The following PYHIN1 variants were observed in gnomAD, a reference collection of about 807,000 sequenced individuals.
PYHIN1 encodes the protein pyrin and HIN domain family member 1, also known as pyrin and HIN domain-containing protein 1.
A neutral mutation model predicts 43.7 loss-of-function variants in PYHIN1; 32 were observed. That is an observed-to-expected ratio of 0.73 (90% CI 0.55 to 0.98). The LOEUF is 0.98. PYHIN1 is among the 50% of genes least tolerant of loss of function. PYHIN1 has a pLI of 0.00. For synonymous variants in PYHIN1, 205 were observed against 203.1 expected, an observed-to-expected ratio of 1.01 and a Z score of -0.08; for missense variants, 588 against 589.5, an observed-to-expected ratio of 1.00 and a Z score of 0.03.
At chr1:158,950,484 C>A (rs1649466284) in intron 7 of PYHIN1, among the ~76,000 whole-genome samples, 1 of 152,156 alleles carries the variant, frequency 6.6e-6, no homozygotes, top group Non-Finnish European at 1.5e-5. Flanking sequence ...ATGTGTCATG[C>A]TGGAATCCAA....
chr1:158,953,376 G>T (rs1649698093), intron 7 of PYHIN1, among the ~76,000 whole-genome samples: 1 of 150,604 alleles, frequency 6.6e-6, no homozygotes, highest in South Asian at 2.1e-4. Flanking sequence ...AGAGAGCAGT[G>T]GTTCTCCCAG....
chr1:158,949,458 C>T (rs1102002), intron 7 of PYHIN1, among the ~76,000 whole-genome samples: 45,150 of 151,418 alleles, frequency 0.3, 7,094 homozygotes, highest in South Asian at 0.42. Flanking sequence ...TGTATACATG[C>T]GCCATGCTGG....
At chr1:158,937,214 C>G (rs879019864) in intron 2 of PYHIN1, 39 bp downstream of exon 2, 1 of 1,521,580 alleles carries the variant, frequency 6.6e-7, no homozygotes, top group Non-Finnish European at 8.8e-7. Flanking sequence ...CTGCAATGAT[C>G]CCCACCCTTC....
the PYHIN1 span, among the ~76,000 whole-genome samples, chr1:158,989,471 G>A: frequency 2.0e-5 from 3 of 152,192 alleles, no homozygotes; most frequent in Admixed American, 2.0e-4. Context: ...AATGAAGTAA[G>A]CTGAGAGCAT....
intron 7 of PYHIN1, among the ~76,000 whole-genome samples, chr1:158,953,253 A>C (rs856092): frequency 0.96 from 121,793 of 127,000 alleles, 58,760 homozygotes; most frequent in East Asian, 1. Flanking sequence ...CCCACCACAG[A>C]TCAAGGAGGC....
chr1:158,984,530 T>C, the PYHIN1 span, among the ~76,000 whole-genome samples: 1 of 152,138 alleles, frequency 6.6e-6, no homozygotes, highest in Non-Finnish European at 1.5e-5. Flanking sequence ...TAATTTCTGT[T>C]TTTTGAATTT....
Position 158,933,334 on chromosome 1 carries a change from AT to A in PYHIN1, c.-21+1559del, listed in dbSNP as rs897694924. 4.6e-5 allele frequency among the ~76,000 whole-genome samples: 7 copies of A among 151,450 alleles called. No individual in the cohort carries two copies. Among genetic ancestry groups the A allele is most frequent in the Non-Finnish European group, 8.9e-5 (6 of 67,772 alleles). ...ATGAAGGACTATACAATAATGAAAAATAATATACATTTATTATTATTAGATA... is the reference window on the plus strand; with the variant it reads ...ATGAAGGACTATACAATAATGAAAAAAATATACATTTATTATTATTAGATA... On this transcript the variant is annotated intron_variant, in intron 1 of 8. Transcript: ENST00000368140. This position sits in a 1 kb window ranked among gnomAD's most constrained non-coding sequence, Gnocchi z 6.3.
chr1:158,944,840 T>TA (rs1243228768), intron 6 of PYHIN1, 35 bp from the exon 7 acceptor site: 3 of 1,464,644 alleles, frequency 2.0e-6, no homozygotes, highest in Non-Finnish European at 9.1e-7. Context: ...TCCCTAATAT[T>TA]AAAAAACATT....
the PYHIN1 span, among the ~76,000 whole-genome samples, chr1:158,986,473 C>T: frequency 1.3e-5 from 2 of 152,156 alleles, no homozygotes; most frequent in Middle Eastern, 3.2e-3. Flanking sequence ...GGACCTGCTG[C>T]ACTGAAGGGG....
intron 1 of PYHIN1, among the ~76,000 whole-genome samples, chr1:158,932,360 C>T (rs772499672): frequency 4.6e-5 from 7 of 152,082 alleles, no homozygotes; most frequent in African/African-American, 9.7e-5. Context: ...GGTACTATGT[C>T]GCTACCTTGG....
intron 8 of PYHIN1, among the ~76,000 whole-genome samples, chr1:158,975,155 A>G (rs1326015527): frequency 6.6e-6 from 1 of 152,040 alleles, no homozygotes; most frequent in Non-Finnish European, 1.5e-5. Context: ...CCTGGAAAAT[A>G]CATCCTGTTA....
chr1:158,985,692 C>T, the PYHIN1 span, among the ~76,000 whole-genome samples: 20 of 152,258 alleles, frequency 1.3e-4, no homozygotes, highest in East Asian at 1.5e-3. Flanking sequence ...ATTTACATGT[C>T]AACCTCTCTA....
At chr1:158,953,392 AGCTGGAGATCTGAGAACGG>A (rs1240835122) in intron 7 of PYHIN1, among the ~76,000 whole-genome samples, 1 of 150,906 alleles carries the variant, frequency 6.6e-6, no homozygotes, top group Admixed American at 6.6e-5. Context: ...CCCAGCACGC[AGCTGGAGATCTGAGAACGG>A]GCAGACTGCC....
chr1:158,987,730 A>G, the PYHIN1 span, among the ~76,000 whole-genome samples: 5 of 152,116 alleles, frequency 3.3e-5, no homozygotes, highest in African/African-American at 1.2e-4. Flanking sequence ...GAAATAATGA[A>G]TCCAGTTTAT....
At chr1:158,946,482 A>G (rs549335675) in intron 7 of PYHIN1, among the ~76,000 whole-genome samples, 1 of 152,304 alleles carries the variant, frequency 6.6e-6, no homozygotes, top group South Asian at 2.1e-4. Flanking sequence ...ACTTATGCAG[A>G]CTACAAAACA....
intron 7 of PYHIN1, among the ~76,000 whole-genome samples, chr1:158,971,115 A>G (rs1446853280): frequency 6.6e-6 from 1 of 152,026 alleles, no homozygotes; most frequent in Non-Finnish European, 1.5e-5. Flanking sequence ...AGACTCTTCA[A>G]GCTTCTAAAA....
chr1:158,986,559 A>G, the PYHIN1 span, among the ~76,000 whole-genome samples: 8 of 152,168 alleles, frequency 5.3e-5, no homozygotes, highest in African/African-American at 1.7e-4. Context: ...TGGGACAGCA[A>G]TTGTGGGTCA....
downstream of PYHIN1, among the ~76,000 whole-genome samples, chr1:158,978,644 G>A (rs564987462): frequency 6.6e-6 from 1 of 152,238 alleles, no homozygotes; most frequent in African/African-American, 2.4e-5. Flanking sequence ...GTAATTAACA[G>A]TTAGAGAATG....
chr1:158,952,640 G>T (rs1649620772), intron 7 of PYHIN1, among the ~76,000 whole-genome samples: 1 of 152,136 alleles, frequency 6.6e-6, no homozygotes, highest in Non-Finnish European at 1.5e-5. Context: ...AGGCTCTTCT[G>T]GTTGCAATGA....
Sources: gnomAD v4.1 joint callset for allele counts (sites outside exome capture counted in the v4.1 genomes callset) on GRCh38, gnomAD v4.1.1 for gene constraint, Gnocchi (gnomAD v3.1) non-coding constraint, MANE v1.5 for transcripts, NCBI Gene and HGNC (gene_info 2026-07-23, HGNC 2026-07-21) for gene names.